ATG14: variants seen among roughly 807,000 people sequenced by gnomAD.
The protein encoded by ATG14 is beclin 1-associated autophagy-related key regulator.
Under a neutral mutation model 60.4 loss-of-function variants are expected in ATG14, and 35 were observed. The observed-to-expected ratio is 0.58, with a 90% confidence interval of 0.44 to 0.77. The LOEUF (loss-of-function observed/expected upper bound fraction) is 0.77. ATG14 is among the 30% of genes least tolerant of loss of function. The pLI is 0.00. For synonymous variants in ATG14, 234 were observed against 228.8 expected (o/e 1.02, Z -0.21); for missense variants, 647 against 626.3 (o/e 1.03, Z -0.35).
chr14:55,405,187 G>C (rs556772967), intron 1 of ATG14, among the ~76,000 whole-genome samples: 2 of 152,226 alleles, frequency 1.3e-5, no homozygotes, highest in South Asian at 4.2e-4. Context: ...ATACAGAATT[G>C]AATTCTCAAG....
chr14:55,376,110 T>C (rs973285996), intron 9 of ATG14, among the ~76,000 whole-genome samples: 2 of 152,138 alleles, frequency 1.3e-5, no homozygotes, highest in African/African-American at 2.4e-5. Context: ...TACTGTGGAG[T>C]CAGCCAGGTG....
At position 55,382,163 on chromosome 14, in the gene ATG14, C is replaced by G; in HGVS notation, c.676G>C (p.Asp226His). ...RDPADVSSES[D>H]SAMTSSTVSK... ...ACAGTGCTGGAGGTCATGGCACTGT[C>G]ACTCTCTGAAGACACATCTGCGGGG... The change falls in exon 6 of 10, where the codon GAC becomes CAC. Residue 226 changes from aspartate to histidine, a missense_variant. Physicochemically the swap from Asp to His is moderately conservative, Grantham distance 81. Transcript: ENST00000247178. 6.2e-7 allele frequency: 1 copy of G among 1,614,120 alleles called. No individual in the cohort carries two copies. The highest frequency in any genetic ancestry group is 8.5e-7 in the Non-Finnish European group (1 of 1,180,014).
At chr14:55,370,901 A>C (rs1196815935) in intron 9 of ATG14, among the ~76,000 whole-genome samples, 3 of 152,074 alleles carry the variant, frequency 2.0e-5, no homozygotes, top group Non-Finnish European at 2.9e-5. Flanking sequence ...CCTGCCTCTC[A>C]AAACGCTGAG....
At chr14:55,384,234 T>C (rs1230081500) in intron 5 of ATG14, among the ~76,000 whole-genome samples, 1 of 152,252 alleles carries the variant, frequency 6.6e-6, no homozygotes, top group Non-Finnish European at 1.5e-5. Context: ...GAAATAGTTT[T>C]TCTTCATATT....
Position 55,397,451 on chromosome 14 carries a change from C to A in ATG14, c.222-17G>T. 1 of 1,598,928 alleles carries A rather than the reference C, an allele frequency of 6.3e-7. No individual in the cohort carries two copies. The highest frequency in any genetic ancestry group is 2.2e-5 in the East Asian group (1 of 44,824). On this transcript the variant is annotated splice_polypyrimidine_tract_variant and intron_variant, in intron 1 of 9. Transcript: ENST00000247178. ...TCGATAAACCTGTAACAAAAAAATT[C>A]AATGTCTTATTTAAATGGTCATTTT...
Position 55,366,713 on chromosome 14 carries a change from T to C in ATG14, c.*2906A>G, listed in dbSNP as rs1190602270. The C allele has an allele frequency of 6.6e-6, 1 of 152,634 alleles. No individual in the cohort carries two copies. The highest frequency in any genetic ancestry group is 1.5e-5 in the Non-Finnish European group (1 of 68,050). 9.5% of individuals were successfully genotyped at this position (152,634 alleles called of 1,614,324 possible). A position where few individuals can be genotyped will look rare whatever the true frequency, so the allele number is the denominator to read the frequency against. On this transcript the variant is annotated 3_prime_UTR_variant, in exon 10 of 10. Transcript: ENST00000247178. ...AGCCTGTTTGGTGCCTGTGGGTTTT[T>C]ATTAGTATTACTTTGTTTCAGTAAA...
intron 4 of ATG14, among the ~76,000 whole-genome samples, chr14:55,387,825 C>T (rs1396702998): frequency 6.6e-6 from 1 of 152,104 alleles, no homozygotes; most frequent in Non-Finnish European, 1.5e-5. Flanking sequence ...CACACCACCA[C>T]ACCCAGCTAA....
At chr14:55,383,354 C>A (rs1257748763) in intron 5 of ATG14, among the ~76,000 whole-genome samples, 6 of 151,972 alleles carry the variant, frequency 3.9e-5, no homozygotes, top group African/African-American at 1.5e-4. Flanking sequence ...AATTCGAGAT[C>A]AGCCTGGCCA....
At chr14:55,383,599 C>A (rs1375678527) in intron 5 of ATG14, among the ~76,000 whole-genome samples, 1 of 147,598 alleles carries the variant, frequency 6.8e-6, no homozygotes, top group African/African-American at 2.5e-5. Context: ...AAAAAAAACC[C>A]CCAAGAACAA....
chr14:55,386,942 C>T (rs567476905), intron 4 of ATG14, among the ~76,000 whole-genome samples: 1 of 152,272 alleles, frequency 6.6e-6, no homozygotes, highest in African/African-American at 2.4e-5. Flanking sequence ...TCTCCAGTTT[C>T]CCTACTTCAA....
At chr14:55,379,600 ATTTC>A (rs1351838276) in intron 7 of ATG14, among the ~76,000 whole-genome samples, 2 of 152,186 alleles carry the variant, frequency 1.3e-5, no homozygotes, top group African/African-American at 2.4e-5. Context: ...AAGAATAAGA[ATTTC>A]TTTAAGTGGG....
chr14:55,392,491 T>C (rs1163123724), intron 3 of ATG14, among the ~76,000 whole-genome samples: 1 of 151,506 alleles, frequency 6.6e-6, no homozygotes, highest in Non-Finnish European at 1.5e-5. Context: ...CTACCAAAAA[T>C]ACAAAAAATT....
At chr14:55,402,927 ATATATATATATATATATATATAT>A (rs1301415253) in intron 1 of ATG14, among the ~76,000 whole-genome samples, 1 of 8,920 alleles carries the variant, frequency 1.1e-4, no homozygotes, top group African/African-American at 6.6e-4. Context: ...AAAAAAAAAA[ATATATATATATATATATATATAT>A]ATATATATAT....
At chr14:55,378,149 C>T (rs1396961517) in intron 7 of ATG14, 75 bp from the exon 8 acceptor site, 5 of 1,288,440 alleles carry the variant, frequency 3.9e-6, no homozygotes, top group Non-Finnish European at 5.5e-6. Flanking sequence ...ATTTACAGTA[C>T]AATTAGGTAT....
chr14:55,374,611 C>T (rs1566577430), intron 9 of ATG14, among the ~76,000 whole-genome samples: 1 of 152,094 alleles, frequency 6.6e-6, no homozygotes, highest in African/African-American at 2.4e-5. Flanking sequence ...CCCTCACCAC[C>T]CTATCATTAT....
rs370564578 is a variant in ATG14 at position 55,368,138 on chromosome 14, CCT to C, written c.*1479_*1480del. The stretch of plus-strand genomic sequence containing the variant: ...ACTACTTACATATTTGTACATAATG[CCT>C]CTCTCATTATAGTTTTCTTGTAAGA... On this transcript the variant is annotated 3_prime_UTR_variant, in exon 10 of 10. Coordinates refer to ENST00000247178, the MANE Select transcript of ATG14 (RefSeq NM_014924.5). 5.9e-5 allele frequency: 9 copies of C among 152,590 alleles called. No individual in the cohort carries two copies. The highest frequency in any genetic ancestry group is 1.7e-4 in the African/African-American group (7 of 41,490). 9.5% of individuals were successfully genotyped at this position (152,590 alleles called of 1,614,324 possible).
chr14:55,398,010 C>T (rs183297185), intron 1 of ATG14, among the ~76,000 whole-genome samples: 19 of 132,690 alleles, frequency 1.4e-4, no homozygotes, highest in East Asian at 1.3e-3. Flanking sequence ...TGTAGTGGTG[C>T]GATCTTGGCT....
intron 1 of ATG14, among the ~76,000 whole-genome samples, chr14:55,403,790 C>A (rs533244446): frequency 1.3e-5 from 2 of 152,126 alleles, no homozygotes; most frequent in East Asian, 3.9e-4. Context: ...AATAGAGGCA[C>A]CTTTATGTGG....
chr14:55,370,802 G>C (rs940052919), intron 9 of ATG14, among the ~76,000 whole-genome samples: 12 of 152,040 alleles, frequency 7.9e-5, no homozygotes, highest in Non-Finnish European at 5.9e-5. Context: ...CACCATGCCC[G>C]GCTAATTTTT....
Sources: gnomAD v4.1 joint callset for allele counts (sites outside exome capture counted in the v4.1 genomes callset) on GRCh38, gnomAD v4.1.1 for gene constraint, MANE v1.5 for transcripts, NCBI Gene and HGNC (gene_info 2026-07-23, HGNC 2026-07-21) for gene names.